RNASET2: variants seen among roughly 807,000 people sequenced by gnomAD.
RNASET2 encodes ribonuclease T2, also known as ribonuclease 6.
RNASET2 carries 28 observed loss-of-function variants against 33.9 expected under a neutral mutation model. That is an observed-to-expected ratio of 0.83 (90% CI 0.61 to 1.13). The LOEUF is 1.13. Ranked by LOEUF, RNASET2 falls within the 50% of genes most tolerant of loss-of-function variation. The probability of loss-of-function intolerance (pLI) is 0.00; values close to 1 mark genes in which losing one functional copy is unlikely to be tolerated. For synonymous variants in RNASET2, 123 were observed against 121.0 expected, an observed-to-expected ratio of 1.02 and a Z score of -0.11; for missense variants, 330 against 319.9, an observed-to-expected ratio of 1.03 and a Z score of -0.24.
chr6:166,926,954 T>C lies in RNASET2; in HGVS notation c.*2634A>G, dbSNP rs1411574584. Among the ~76,000 whole-genome samples the C allele has an allele frequency of 1.3e-5, 2 of 152,114 alleles. No homozygotes were observed. Among genetic ancestry groups the C allele is most frequent in the Non-Finnish European group, 1.5e-5 (1 of 68,014 alleles). The stretch of plus-strand genomic sequence containing the variant: ...ATCCTGAGATGCGCCTGCTCCTTTG[T>C]CCCCCTGGGAGACACTTGTACCCCC... On this transcript the variant is annotated 3_prime_UTR_variant, in exon 9 of 9. Coordinates refer to ENST00000508775, the MANE Select transcript of RNASET2 (RefSeq NM_003730.6).
intron 5 of RNASET2, among the ~76,000 whole-genome samples, chr6:166,942,301 C>A (rs1208376451): frequency 6.6e-6 from 1 of 152,148 alleles, no homozygotes; most frequent in African/African-American, 2.4e-5. Context: ...GATCCACCTG[C>A]CTTGGCCTTC....
chr6:166,930,680 C>T lies in RNASET2; in HGVS notation c.567+364G>A, dbSNP rs533687862. ...CACAGCACATGCGCACATGTATACTCATGCGCATACAGCACATGCACACAT... is the reference window on the plus strand; with the variant it reads ...CACAGCACATGCGCACATGTATACTTATGCGCATACAGCACATGCACACAT... On this transcript the variant is annotated intron_variant, in intron 8 of 8. Coordinates refer to ENST00000508775, the MANE Select transcript of RNASET2 (RefSeq NM_003730.6). Among the ~76,000 whole-genome samples, 212 of 150,804 alleles carry T rather than the reference C, an allele frequency of 1.4e-3. 1 individual carries two copies. Among genetic ancestry groups the T allele is most frequent in the Non-Finnish European group, 2.5e-3 (172 of 67,744 alleles).
At position 166,925,476 on chromosome 6, in the gene RNASET2, C is replaced by CCCAGCCCTCACCTCCCCTGT. The variant is rs914286926; in HGVS notation, c.*4092_*4111dup. On this transcript the variant is annotated 3_prime_UTR_variant, in exon 9 of 9. Transcript: ENST00000508775. ...TGCCACCCAGGCCTCATCTATACTG[C>CCCAGCCCTCACCTCCCCTGT]CCAGCCCTCACCTCCCCTGTCCAGC... is the stretch of plus-strand genomic sequence containing the variant. 5.9e-5 allele frequency among the ~76,000 whole-genome samples: 9 copies of CCCAGCCCTCACCTCCCCTGT among 151,522 alleles called. No individual in the cohort carries two copies. The highest frequency in any genetic ancestry group is 8.8e-5 in the Non-Finnish European group (6 of 67,810).
At position 166,956,336 on chromosome 6, in the gene RNASET2, A is replaced by G; in HGVS notation, c.-154T>C. The G allele has an allele frequency of 1.4e-6, 1 of 737,874 alleles. No homozygotes were observed. The highest frequency in any genetic ancestry group is 1.6e-5 in the South Asian group (1 of 61,566). 45.7% of individuals were successfully genotyped at this position (737,874 alleles called of 1,614,324 possible). A position where few individuals can be genotyped will look rare whatever the true frequency, so the allele number is the denominator to read the frequency against. ...AGCAGCGGCCACCGGGTGCGCCCGG[A>G]GCCCTGGGACGGCCTAAACCAGTAT... On this transcript the variant is annotated 5_prime_UTR_variant, in exon 1 of 9. Coordinates refer to ENST00000508775, the MANE Select transcript of RNASET2 (RefSeq NM_003730.6).
In RNASET2 at chr6:166,943,169, G is replaced by A. The variant is rs146656199; in HGVS notation, c.262-80C>T. The A allele has an allele frequency of 5.0e-5, 49 of 978,688 alleles. No homozygotes were observed. In the East Asian group the frequency reaches 1.2e-3, roughly 24 times the overall value. The allele number at this position is 978,688 out of a possible 1,614,324, so 60.6% of individuals were successfully genotyped here. ...ACCTAGAAGGTAAATTTGATAAACT[G>A]ACACCAAAGAATTGAGCTCTGCTAA... On this transcript the variant is annotated intron_variant, in intron 4 of 8. Transcript: ENST00000508775.
At chr6:166,954,851 G>A (rs1779067268) in intron 1 of RNASET2, among the ~76,000 whole-genome samples, 1 of 152,066 alleles carries the variant, frequency 6.6e-6, no homozygotes, top group African/African-American at 2.4e-5. Context: ...AATTAGCCAG[G>A]CGTGGTGGTG....
rs957472783 is a variant in RNASET2, at chr6:166,928,680, A to G, written c.*908T>C. ...CAGGTTGTCTTAACAACACATGGAA[A>G]GCTCCTCACTGCACAGCCCCCAGAT... On this transcript the variant is annotated 3_prime_UTR_variant, in exon 9 of 9. Transcript: ENST00000508775. Among the ~76,000 whole-genome samples, 10 of 152,222 alleles carry G rather than the reference A, an allele frequency of 6.6e-5. No individual in the cohort carries two copies. The highest frequency in any genetic ancestry group is 1.5e-4 in the Non-Finnish European group (10 of 68,046).
In RNASET2 at chr6:166,956,288, C is replaced by T; in HGVS notation, c.-106G>A. On this transcript the variant is annotated 5_prime_UTR_variant, in exon 1 of 9. Transcript: ENST00000508775. ...GAGAAACGCTGTCTCCGAGCCCCCG[C>T]GCCGCCGCGCTCCCTCCGCTGCAGC... is the stretch of plus-strand genomic sequence containing the variant. 1 of 1,113,666 alleles carries T rather than the reference C, an allele frequency of 9.0e-7. No homozygotes were observed. The allele number at this position is 1,113,666 out of a possible 1,614,324, so 69.0% of individuals were successfully genotyped here.
At chr6:166,930,852 C>A (rs1158999188) in intron 8 of RNASET2, among the ~76,000 whole-genome samples, 192 bp downstream of exon 8, 1 of 151,388 alleles carries the variant, frequency 6.6e-6, no homozygotes, top group African/African-American at 2.4e-5. Flanking sequence ...TGTACACACA[C>A]ATGCACACAC....
At chr6:166,953,856 G>T (rs1779044013) in intron 1 of RNASET2, among the ~76,000 whole-genome samples, 1 of 148,588 alleles carries the variant, frequency 6.7e-6, no homozygotes, top group African/African-American at 2.5e-5. Flanking sequence ...CTCCAACCTG[G>T]GCTACACAGC....
chr6:166,955,229 A>ACGCACGCACACACG (rs1779092115), intron 1 of RNASET2, among the ~76,000 whole-genome samples: 6 of 89,298 alleles, frequency 6.7e-5, no homozygotes, highest in East Asian at 3.8e-4. Flanking sequence ...ACGCGCACAC[A>ACGCACGCACACACG]CGCACGCACG....
chr6:166,936,121 C>A (rs191746903), intron 6 of RNASET2, among the ~76,000 whole-genome samples: 2 of 152,214 alleles, frequency 1.3e-5, no homozygotes, highest in African/African-American at 4.8e-5. Context: ...TTATAGATTT[C>A]CCTTGGAGAA....
chr6:166,945,725 GA>G (rs1394041355), intron 4 of RNASET2, among the ~76,000 whole-genome samples: 1 of 151,830 alleles, frequency 6.6e-6, no homozygotes, highest in Non-Finnish European at 1.5e-5. Flanking sequence ...AGCTACTCAG[GA>G]GGCTGAGGCA....
intron 6 of RNASET2, chr6:166,938,682 C>A (rs769384353): frequency 1.2e-5 from 9 of 761,216 alleles, no homozygotes; most frequent in Non-Finnish European, 4.9e-6. Flanking sequence ...ATACTCTGCA[C>A]CCACTCTGTG....
chr6:166,942,965 TC>T, intron 5 of RNASET2, 53 bp downstream of exon 5: 1 of 1,435,102 alleles, frequency 7.0e-7, no homozygotes, highest in South Asian at 1.2e-5. Context: ...TTCATCACGC[TC>T]CCCACACCCG....
chr6:166,955,185 A>ACACACGCACACG (rs1554269950), intron 1 of RNASET2, among the ~76,000 whole-genome samples: 8 of 113,460 alleles, frequency 7.1e-5, no homozygotes, highest in East Asian at 5.6e-4. Context: ...CCACACACAC[A>ACACACGCACACG]CACGCACACA....
Position 166,943,094 on chromosome 6 carries a change from G to A in RNASET2, c.262-5C>T. On this transcript the variant is annotated splice_polypyrimidine_tract_variant and splice_region_variant and intron_variant, in intron 4 of 8. Coordinates refer to ENST00000508775, the MANE Select transcript of RNASET2 (RefSeq NM_003730.6). ...CCTCATTTCTGGCAAAAGATCCTAT[G>A]CATTAAAAAATAAAATAAGTCTACG... is the stretch of plus-strand genomic sequence containing the variant. 3 of 1,609,342 alleles carry A rather than the reference G, an allele frequency of 1.9e-6. No individual in the cohort carries two copies. Among genetic ancestry groups the A allele is most frequent in the Non-Finnish European group, 2.5e-6 (3 of 1,176,576 alleles).
Position 166,948,628 on chromosome 6 carries a change from A to G in RNASET2, c.148-3T>C. On this transcript the variant is annotated splice_polypyrimidine_tract_variant and splice_region_variant and intron_variant, in intron 2 of 8. Transcript: ENST00000508775. ...TCTCTACAGTCGTTTTGAATTTTCT[A>G]GGGAGAAAATATAACAAGAAAATGA... 6.6e-7 allele frequency: 1 copy of G among 1,521,676 alleles called. No individual in the cohort carries two copies. The highest frequency in any genetic ancestry group is 9.1e-7 in the Non-Finnish European group (1 of 1,098,972). 94.3% of individuals were successfully genotyped at this position (1,521,676 alleles called of 1,614,324 possible).
chr6:166,925,659 C>T lies in RNASET2; in HGVS notation c.*3929G>A, dbSNP rs1454059049. Among the ~76,000 whole-genome samples the T allele has an allele frequency of 2.0e-5, 3 of 152,242 alleles. No individual in the cohort carries two copies. Among genetic ancestry groups the T allele is most frequent in the African/African-American group, 7.2e-5 (3 of 41,458 alleles). ...CATCCAGCTGGCATCTTCTATGTAACACAACAAGAGCTGGAAGAGAAGAGG... is the reference window on the plus strand; with the variant it reads ...CATCCAGCTGGCATCTTCTATGTAATACAACAAGAGCTGGAAGAGAAGAGG... On this transcript the variant is annotated 3_prime_UTR_variant, in exon 9 of 9. Coordinates refer to ENST00000508775, the MANE Select transcript of RNASET2 (RefSeq NM_003730.6).
Sources: allele counts gnomAD v4.1 joint callset (sites outside exome capture counted in the v4.1 genomes callset), GRCh38; gene constraint gnomAD v4.1.1; transcripts MANE v1.5; gene names NCBI Gene and HGNC (gene_info 2026-07-23, HGNC 2026-07-21).